The following TENM3 variants were observed in gnomAD, a reference collection of about 807,000 sequenced individuals.
The protein encoded by TENM3 is teneurin transmembrane protein 3, also known as teneurin-3.
TENM3 carries 63 observed loss-of-function variants against 255.1 expected under a neutral mutation model. That is an observed-to-expected ratio of 0.25 (90% CI 0.20 to 0.30). The LOEUF is 0.30. Among genes scored for constraint, TENM3 ranks in the 10% least tolerant of loss-of-function variants. The pLI, the probability that TENM3 is intolerant of heterozygous loss-of-function variation, is 1.00. For missense variants in TENM3, 2,929 were observed against 3,461.1 expected (o/e 0.85, Z 3.86); for synonymous variants, 1,306 against 1,322.3 (o/e 0.99, Z 0.27).
At chr4:181,605,753 G>T in the TENM3 span, among the ~76,000 whole-genome samples, 2 of 152,070 alleles carry the variant, frequency 1.3e-5, no homozygotes, top group Non-Finnish European at 2.9e-5. Flanking sequence ...TCTTAGAAAT[G>T]GTATTTTTGG....
chr4:181,942,479 G>A, the TENM3 span, among the ~76,000 whole-genome samples: 14 of 152,068 alleles, frequency 9.2e-5, no homozygotes, highest in African/African-American at 3.4e-4. Flanking sequence ...GGGACCAGTG[G>A]GGTGGCTGTT....
chr4:182,554,406 C>A (rs1322071888), intron 3 of TENM3, among the ~76,000 whole-genome samples: 1 of 152,144 alleles, frequency 6.6e-6, no homozygotes. Flanking sequence ...ATTAGTTGAA[C>A]TACATTATCC....
the TENM3 span, among the ~76,000 whole-genome samples, chr4:181,883,610 G>A: frequency 6.6e-6 from 1 of 152,162 alleles, no homozygotes; most frequent in Middle Eastern, 3.4e-3. Context: ...GAGTAGCTGG[G>A]ACTACAGGCG....
At chr4:181,646,873 G>A in the TENM3 span, among the ~76,000 whole-genome samples, 1 of 152,132 alleles carries the variant, frequency 6.6e-6, no homozygotes, top group East Asian at 1.9e-4. Flanking sequence ...ACATTGAGAA[G>A]ACTTAGGATA....
the TENM3 span, among the ~76,000 whole-genome samples, chr4:181,919,050 C>T: frequency 6.6e-6 from 1 of 152,118 alleles, no homozygotes; most frequent in Admixed American, 6.6e-5. Flanking sequence ...TGCCAAACCA[C>T]CTCAAAGGTA....
chr4:181,710,438 C>A, the TENM3 span, among the ~76,000 whole-genome samples: 1 of 152,074 alleles, frequency 6.6e-6, no homozygotes, highest in Non-Finnish European at 1.5e-5. Context: ...ATGCGGTAGG[C>A]TGGGCACGGT....
At chr4:182,712,544 C>T (rs6827132) in intron 12 of TENM3, among the ~76,000 whole-genome samples, 7,742 of 152,144 alleles carry the variant, frequency 0.051, 286 homozygotes, top group Non-Finnish European at 0.072. Flanking sequence ...AAATTAATCT[C>T]TTCCTGACCT....
At chr4:181,714,150 T>A in the TENM3 span, among the ~76,000 whole-genome samples, 1 of 152,064 alleles carries the variant, frequency 6.6e-6, no homozygotes, top group Admixed American at 6.6e-5. Flanking sequence ...AAATTTTAAC[T>A]TGGGGCCAGG....
chr4:181,654,926 A>G, the TENM3 span, among the ~76,000 whole-genome samples: 2 of 152,142 alleles, frequency 1.3e-5, no homozygotes, highest in Non-Finnish European at 2.9e-5. Flanking sequence ...GATCAAGAAG[A>G]GGAAAGAGGT....
chr4:181,489,712 A>G, the TENM3 span, among the ~76,000 whole-genome samples: 3 of 152,220 alleles, frequency 2.0e-5, no homozygotes, highest in Non-Finnish European at 2.9e-5. Context: ...AGAATCTTTT[A>G]AGGTTCTTTA....
chr4:182,411,666 G>A (rs965478846), intron 3 of TENM3, among the ~76,000 whole-genome samples: 9 of 152,166 alleles, frequency 5.9e-5, no homozygotes, highest in African/African-American at 1.7e-4. Flanking sequence ...GGGGAGGGGC[G>A]TGGAACTTTT....
At chr4:182,444,240 T>C (rs1057183804) in intron 3 of TENM3, among the ~76,000 whole-genome samples, 6 of 152,212 alleles carry the variant, frequency 3.9e-5, no homozygotes, top group South Asian at 2.1e-4. Flanking sequence ...TGTCAGCTTA[T>C]AGTTTTACAT....
chr4:182,668,322 T>G (rs1223107420), intron 6 of TENM3, among the ~76,000 whole-genome samples: 1 of 152,116 alleles, frequency 6.6e-6, no homozygotes, highest in Non-Finnish European at 1.5e-5. Flanking sequence ...GTAAAGAAAG[T>G]CAACACATGA....
chr4:181,517,040 C>G, the TENM3 span, among the ~76,000 whole-genome samples: 4 of 152,078 alleles, frequency 2.6e-5, no homozygotes, highest in Admixed American at 6.6e-5. Flanking sequence ...TGTAATGCCC[C>G]CTTAAAATCC....
At chr4:182,571,132 A>G (rs1056923311) in intron 3 of TENM3, among the ~76,000 whole-genome samples, 1 of 152,210 alleles carries the variant, frequency 6.6e-6, no homozygotes, top group Non-Finnish European at 1.5e-5. Context: ...ACAAATAACT[A>G]TTGTGCTTAC....
intron 1 of TENM3, chr4:182,145,231 A>C (rs1749870650): frequency 6.6e-6 from 1 of 152,210 alleles, no homozygotes; most frequent in Non-Finnish European, 1.5e-5. Context: ...CAGGCAGGGG[A>C]CAGAAGGCTT....
intron 1 of TENM3, among the ~76,000 whole-genome samples, chr4:182,204,258 T>C (rs1039871214): frequency 2.0e-5 from 3 of 152,098 alleles, no homozygotes; most frequent in African/African-American, 7.3e-5. Flanking sequence ...TTGCTTATAA[T>C]GCTGACTGAA....
chr4:182,732,882 G>A (rs1432341716), intron 16 of TENM3, among the ~76,000 whole-genome samples: 1 of 152,120 alleles, frequency 6.6e-6, no homozygotes, highest in African/African-American at 2.4e-5. Flanking sequence ...GGAAAAATCT[G>A]TGGTCATTAA....
chr4:181,563,068 A>G, the TENM3 span, among the ~76,000 whole-genome samples: 2 of 152,218 alleles, frequency 1.3e-5, no homozygotes, highest in Non-Finnish European at 2.9e-5. Flanking sequence ...CTGCAATGGC[A>G]CCTGGGTGCA....
Sources: allele counts gnomAD v4.1 joint callset (sites outside exome capture counted in the v4.1 genomes callset), GRCh38; gene constraint gnomAD v4.1.1; transcripts MANE v1.5; gene names NCBI Gene and HGNC (gene_info 2026-07-23, HGNC 2026-07-21).